SLC37A3: variants seen among roughly 807,000 people sequenced by gnomAD.
The protein encoded by SLC37A3 is solute carrier family 37 member 3.
SLC37A3 carries 51 observed loss-of-function variants against 67.1 expected under a neutral mutation model. The observed-to-expected ratio is 0.76, with a 90% CI of 0.61 to 0.96. The LOEUF is 0.96. Ranked by LOEUF, SLC37A3 falls within the 40% of genes least tolerant of loss-of-function variation. SLC37A3 has a pLI of 0.00. For missense variants in SLC37A3, 508 were observed against 603.0 expected (o/e 0.84, Z 1.65); for synonymous variants, 214 against 231.4 (o/e 0.92, Z 0.68).
chr7:140,345,315 G>A (rs1198881301), intron 11 of SLC37A3, 52 bp from the exon 12 acceptor site: 9 of 1,450,920 alleles, frequency 6.2e-6, no homozygotes, highest in East Asian at 4.5e-5. Flanking sequence ...CAGACTCCAC[G>A]TGCCTCTGCC....
At chr7:140,369,025 T>C (rs1585325203) in intron 4 of SLC37A3, among the ~76,000 whole-genome samples, 1 of 152,008 alleles carries the variant, frequency 6.6e-6, no homozygotes, top group East Asian at 1.9e-4. Flanking sequence ...GCAGCTCCCA[T>C]CTCACTCAAG....
At chr7:140,344,131 A>T (rs1796463889) in intron 12 of SLC37A3, 2 of 155,196 alleles carry the variant, frequency 1.3e-5, no homozygotes, top group Non-Finnish European at 2.8e-5. Flanking sequence ...AAAGTTTAAA[A>T]TAAGTAACTT....
At chr7:140,362,502 A>G in intron 5 of SLC37A3, among the ~76,000 whole-genome samples, 1 of 136,498 alleles carries the variant, frequency 7.3e-6, no homozygotes, top group African/African-American at 2.8e-5. Context: ...CCTACCGGGA[A>G]GTGAGGACCC....
chr7:140,346,445 C>A (rs2117050272), intron 10 of SLC37A3, among the ~76,000 whole-genome samples: 1 of 152,230 alleles, frequency 6.6e-6, no homozygotes, highest in Non-Finnish European at 1.5e-5. Flanking sequence ...AATAAACTGT[C>A]TGTTAAATCA....
chr7:140,385,116 C>T (rs1798400834), intron 1 of SLC37A3, among the ~76,000 whole-genome samples: 1 of 152,180 alleles, frequency 6.6e-6, no homozygotes, highest in African/African-American at 2.4e-5. Context: ...CATAAAATGG[C>T]TTATTTCATT....
chr7:140,347,758 CA>C lies in SLC37A3; in HGVS notation c.1024+867del, dbSNP rs11436762. On this transcript the variant is annotated intron_variant, in intron 10 of 14. Coordinates refer to ENST00000326232, the MANE Select transcript of SLC37A3 (RefSeq NM_207113.3). ...TCCTTGTTGATACTTCTAGCTACAG[CA>C]AAAAAAAAAAAAACCACTATTAAAA... 4.4e-3 allele frequency among the ~76,000 whole-genome samples: 609 copies of C among 139,334 alleles called. 5 individuals are homozygous for C. The highest frequency in any genetic ancestry group is 4.7e-3 in the Non-Finnish European group (296 of 62,886). 91.4% of individuals were successfully genotyped at this position (139,334 alleles called of 152,430 possible).
chr7:140,357,840 C>G (rs886080049), intron 6 of SLC37A3, among the ~76,000 whole-genome samples: 4 of 151,778 alleles, frequency 2.6e-5, no homozygotes, highest in Non-Finnish European at 5.9e-5. Flanking sequence ...TCGCTTGAAC[C>G]TGGGAGGCGG....
intron 13 of SLC37A3, among the ~76,000 whole-genome samples, chr7:140,338,383 T>C (rs1434960905): frequency 1.3e-5 from 2 of 152,224 alleles, no homozygotes; most frequent in African/African-American, 4.8e-5. Flanking sequence ...ATGCTAGATA[T>C]TTCGTGTAAA....
chr7:140,389,647 G>A (rs1222126477), intron 1 of SLC37A3, among the ~76,000 whole-genome samples: 1 of 152,176 alleles, frequency 6.6e-6, no homozygotes, highest in African/African-American at 2.4e-5. Flanking sequence ...CAGCAGGCAA[G>A]GTGAACCCAC....
chr7:140,385,787 A>G (rs1444219331), intron 1 of SLC37A3, among the ~76,000 whole-genome samples: 2 of 151,898 alleles, frequency 1.3e-5, no homozygotes, highest in African/African-American at 4.8e-5. Flanking sequence ...TCTTTCTTTT[A>G]TTTATTTATT....
At chr7:140,335,977 T>A (rs1796116010) in intron 14 of SLC37A3, among the ~76,000 whole-genome samples, 1 of 152,202 alleles carries the variant, frequency 6.6e-6, no homozygotes, top group South Asian at 2.1e-4. Flanking sequence ...AGCTGGACTA[T>A]CCTGGGGCTC....
chr7:140,362,676 G>T (rs1247117942), intron 5 of SLC37A3, among the ~76,000 whole-genome samples: 2 of 53,818 alleles, frequency 3.7e-5, no homozygotes, highest in African/African-American at 6.5e-5. Flanking sequence ...AGGGAGGTGG[G>T]GGGGGGGGTC....
Position 140,335,498 on chromosome 7 carries a change from A to C in SLC37A3, c.1399T>G (p.Cys467Gly), listed in dbSNP as rs375656529. 4.3e-5 allele frequency: 70 copies of C among 1,613,430 alleles called. No homozygotes were observed. The highest frequency in any genetic ancestry group is 5.8e-5 in the Non-Finnish European group (68 of 1,179,906). Reference sequence around the variant, plus strand: ...AATGGCGAGATAAACACAATTGTACAACTTGTCTGTAAAGAGAAAATAGTA... The same window carrying C: ...AATGGCGAGATAAACACAATTGTACCACTTGTCTGTAAAGAGAAAATAGTA... ...VFYFFILMTS[C>G]TIVFISPLIV... The change falls in exon 15 of 15, where the codon TGT (cysteine) becomes GGT (glycine). Residue 467 changes from cysteine (C) to glycine (G), a missense_variant. Physicochemically the swap from Cys to Gly is radical, Grantham distance 159. Coordinates refer to ENST00000326232, the MANE Select transcript of SLC37A3 (RefSeq NM_207113.3).
In SLC37A3 at chr7:140,351,465, G is replaced by A. The variant is rs755623368; in HGVS notation, c.704-14C>T. ...TACCCGAGAGACCTAAAATAACAGC[G>A]ACAGCCACTGTTTATGGAGTGCCTA... On this transcript the variant is annotated splice_polypyrimidine_tract_variant and intron_variant, in intron 8 of 14. Transcript: ENST00000326232. 3.0e-5 allele frequency: 49 copies of A among 1,610,792 alleles called. No homozygotes were observed. The highest frequency in any genetic ancestry group is 4.1e-5 in the Non-Finnish European group (48 of 1,178,264).
At chr7:140,391,382 C>G (rs1319281993) in intron 1 of SLC37A3, among the ~76,000 whole-genome samples, 1 of 152,228 alleles carries the variant, frequency 6.6e-6, no homozygotes, top group Non-Finnish European at 1.5e-5. Context: ...TAGTGAAACT[C>G]TGTCTCTACT....
At chr7:140,382,628 T>A in intron 1 of SLC37A3, 32 bp from the exon 2 acceptor site, 1 of 973,824 alleles carries the variant, frequency 1.0e-6, no homozygotes, top group Non-Finnish European at 1.6e-6. Context: ...TGGACATTAT[T>A]AAACATAGGC....
chr7:140,366,008 G>A (rs1198600018), intron 4 of SLC37A3, among the ~76,000 whole-genome samples: 1 of 123,892 alleles, frequency 8.1e-6, no homozygotes, highest in Non-Finnish European at 1.6e-5. Context: ...TGTGATCTTG[G>A]CTCACTGCAG....
intron 5 of SLC37A3, among the ~76,000 whole-genome samples, chr7:140,359,023 C>G (rs1797153517): frequency 6.6e-6 from 1 of 152,170 alleles, no homozygotes; most frequent in Non-Finnish European, 1.5e-5. Context: ...AGTCATTAAG[C>G]TATCAGCCCT....
At chr7:140,339,925 A>G (rs927062915) in intron 13 of SLC37A3, among the ~76,000 whole-genome samples, 14 of 151,912 alleles carry the variant, frequency 9.2e-5, no homozygotes, top group African/African-American at 3.1e-4. Context: ...TTTTTAGTAG[A>G]GACGGGGTTT....
Sources: gnomAD v4.1 joint callset for allele counts (sites outside exome capture counted in the v4.1 genomes callset) on GRCh38, gnomAD v4.1.1 for gene constraint, MANE v1.5 for transcripts, NCBI Gene and HGNC (gene_info 2026-07-23, HGNC 2026-07-21) for gene names.